The following KCNQ1 variants were observed in gnomAD, a reference collection of about 807,000 sequenced individuals.
The protein encoded by KCNQ1 is potassium voltage-gated channel subfamily Q member 1.
Under a neutral mutation model 72.4 loss-of-function variants are expected in KCNQ1, and 49 were observed. The observed-to-expected ratio is 0.68, with a 90% CI of 0.54 to 0.86. The LOEUF is 0.86. KCNQ1 is among the 40% of genes least tolerant of loss of function. KCNQ1 has a pLI of 0.00. For missense variants in KCNQ1, 790 were observed against 945.1 expected (o/e 0.84, Z 2.15); for synonymous variants, 450 against 412.6 (o/e 1.09, Z -1.10).
In KCNQ1 at chr11:2,678,594, GC is replaced by G. The variant is rs1850334517; in HGVS notation, c.1514+16514del. ...ACTTTATGATGCACTTATCTGTGTA[GC>G]AGGACTCCCCCTCATCTCCATTACT... is the stretch of plus-strand genomic sequence containing the variant. On this transcript the variant is annotated intron_variant, in intron 11 of 15. Coordinates refer to ENST00000155840, the MANE Select transcript of KCNQ1 (RefSeq NM_000218.3). This position sits in a 1 kb window ranked among gnomAD's most constrained non-coding sequence, Gnocchi z 4.9. 5.0e-6 allele frequency: 2 copies of G among 398,494 alleles called. No individual in the cohort carries two copies. The highest frequency in any genetic ancestry group is 4.4e-5 in the Admixed American group (1 of 22,714). 24.7% of individuals were successfully genotyped at this position (398,494 alleles called of 1,614,324 possible).
In KCNQ1 at chr11:2,564,972, G is replaced by A. The variant is rs1180762553; in HGVS notation, c.478-5656G>A. Among the ~76,000 whole-genome samples, 3 of 152,164 alleles carry A rather than the reference G, an allele frequency of 2.0e-5. No homozygotes were observed. The highest frequency in any genetic ancestry group is 2.1e-4 in the South Asian group (1 of 4,826). ...GTGGTAGGGAGGGACCACATCTTCC[G>A]TCTCCGTCGGTGCACTGAGGGACAC... On this transcript the variant is annotated intron_variant, in intron 2 of 15. Coordinates refer to ENST00000155840, the MANE Select transcript of KCNQ1 (RefSeq NM_000218.3). This position sits in a 1 kb window ranked among gnomAD's most constrained non-coding sequence, Gnocchi z 4.5.
At chr11:2,841,205 G>A (rs1848202895) in intron 15 of KCNQ1, among the ~76,000 whole-genome samples, 1 of 152,108 alleles carries the variant, frequency 6.6e-6, no homozygotes, top group Non-Finnish European at 1.5e-5. Context: ...AAGGCCCCAG[G>A]GCCCAACTGA....
chr11:2,575,643 C>A (rs1261111008), intron 6 of KCNQ1, among the ~76,000 whole-genome samples: 1 of 152,258 alleles, frequency 6.6e-6, no homozygotes, highest in Admixed American at 6.5e-5. Context: ...CCCTCGCCGG[C>A]CAGGCAGCCA....
At chr11:2,476,415 C>G (rs966182968) in intron 1 of KCNQ1, among the ~76,000 whole-genome samples, 9 of 152,116 alleles carry the variant, frequency 5.9e-5, no homozygotes, top group Non-Finnish European at 1.2e-4. Flanking sequence ...TATCTGTACA[C>G]CGAGGCAAAT....
rs1248532962 is a variant in KCNQ1 at position 2,659,354 on chromosome 11, T to C, written c.1394-2607T>C. ...ATGTCCTATAAATGGGATCCTATAATATGTATTCTTTTGCATCTGGCTTCT... is the reference window on the plus strand; with the variant it reads ...ATGTCCTATAAATGGGATCCTATAACATGTATTCTTTTGCATCTGGCTTCT... On this transcript the variant is annotated intron_variant, in intron 10 of 15. Coordinates refer to ENST00000155840, the MANE Select transcript of KCNQ1 (RefSeq NM_000218.3). This position sits in a 1 kb window ranked among gnomAD's most constrained non-coding sequence, Gnocchi z 4.3. 2 of 398,534 alleles carry C rather than the reference T, an allele frequency of 5.0e-6. No individual in the cohort carries two copies. Among genetic ancestry groups the C allele is most frequent in the East Asian group, 7.1e-5 (2 of 28,088 alleles). The allele number at this position is 398,534 out of a possible 1,614,324, so 24.7% of individuals were successfully genotyped here.
intron 11 of KCNQ1, among the ~76,000 whole-genome samples, chr11:2,742,305 C>T (rs943994210): frequency 2.0e-5 from 3 of 152,138 alleles, no homozygotes; most frequent in African/African-American, 4.8e-5. Context: ...AGCCCTGTGC[C>T]CCAAGATCAG....
At chr11:2,546,297 A>G (rs1165556975) in intron 2 of KCNQ1, among the ~76,000 whole-genome samples, 2 of 152,222 alleles carry the variant, frequency 1.3e-5, no homozygotes, top group South Asian at 2.1e-4. Context: ...ATGGCTATAG[A>G]AACACTTAAT....
chr11:2,569,616 G>T (rs554851635), intron 2 of KCNQ1, among the ~76,000 whole-genome samples: 1 of 152,194 alleles, frequency 6.6e-6, no homozygotes, highest in Admixed American at 6.5e-5. Context: ...CCTCTCACAC[G>T]TGGGGGCTGG....
chr11:2,470,321 T>C (rs1022004370), intron 1 of KCNQ1, among the ~76,000 whole-genome samples: 1 of 152,190 alleles, frequency 6.6e-6, no homozygotes, highest in Non-Finnish European at 1.5e-5. Context: ...CATATTTATA[T>C]GTTTTCTTGA....
Position 2,679,006 on chromosome 11 carries a change from A to G in KCNQ1, c.1514+16925A>G, listed in dbSNP as rs1850341925. 2.5e-6 allele frequency: 1 copy of G among 398,662 alleles called. No homozygotes were observed. Among genetic ancestry groups the G allele is most frequent in the East Asian group, 3.6e-5 (1 of 28,086 alleles). 24.7% of individuals were successfully genotyped at this position (398,662 alleles called of 1,614,324 possible). On this transcript the variant is annotated intron_variant, in intron 11 of 15. Coordinates refer to ENST00000155840, the MANE Select transcript of KCNQ1 (RefSeq NM_000218.3). The surrounding 1 kb of genome is among the most constrained non-coding windows in gnomAD (Gnocchi z 4.8). Reference sequence around the variant, plus strand: ...TCAAGAATTTTTAAAAACCCGCAATAAGAAACATAATCTAAAACTTGTAGC... The same window carrying G: ...TCAAGAATTTTTAAAAACCCGCAATGAGAAACATAATCTAAAACTTGTAGC...
At position 2,527,991 on chromosome 11, in the gene KCNQ1, C is replaced by A; in HGVS notation, c.450C>A (p.Ala150=). 6.2e-7 allele frequency: 1 copy of A among 1,614,036 alleles called. No individual in the cohort carries two copies. The highest frequency in any genetic ancestry group is 8.5e-7 in the Non-Finnish European group (1 of 1,179,972). The change falls in exon 2 of 16, where the codon GCC becomes GCA. Residue 150 remains alanine, a synonymous_variant. Transcript: ENST00000155840. Reference sequence around the variant, plus strand: ...TGTCCACCATCGAGCAGTATGCCGCCCTGGCCACGGGGACTCTCTTCTGGA... The same window carrying A: ...TGTCCACCATCGAGCAGTATGCCGCACTGGCCACGGGGACTCTCTTCTGGA... ...SVLSTIEQYA[A]LATGTLFWME...
intron 1 of KCNQ1, among the ~76,000 whole-genome samples, chr11:2,456,870 C>T (rs1409088162): frequency 2.8e-5 from 4 of 141,080 alleles, no homozygotes; most frequent in East Asian, 2.1e-4. Context: ...ACCCAGGAGA[C>T]GGAGCTTGCA....
At chr11:2,518,860 T>C (rs565987488) in intron 1 of KCNQ1, among the ~76,000 whole-genome samples, 1 of 152,136 alleles carries the variant, frequency 6.6e-6, no homozygotes, top group Admixed American at 6.5e-5. Flanking sequence ...AGGCATGGGG[T>C]GGCCACGGGA....
At chr11:2,640,367 T>C (rs1276900866) in intron 10 of KCNQ1, 16 of 398,516 alleles carry the variant, frequency 4.0e-5, no homozygotes, top group Admixed American at 4.0e-4. Flanking sequence ...CTTACTGCAA[T>C]CTTTAACTCC....
intron 15 of KCNQ1, among the ~76,000 whole-genome samples, chr11:2,834,120 T>G (rs1409966185): frequency 6.6e-6 from 1 of 152,208 alleles, no homozygotes; most frequent in East Asian, 1.9e-4. Context: ...CTGCTGTGCC[T>G]GGCGTGGCTG....
At position 2,450,619 on chromosome 11, in the gene KCNQ1, C is replaced by T. The variant is rs910804671; in HGVS notation, c.386+5135C>T. ...CTTGCATCTGGGGTCCCTGCGGGCA[C>T]GTCGGTGAGACCGTCCTGGCCTCCA... On this transcript the variant is annotated intron_variant, in intron 1 of 15. Transcript: ENST00000155840. The surrounding 1 kb of genome is among the most constrained non-coding windows in gnomAD (Gnocchi z 7.9). Among the ~76,000 whole-genome samples, 4 of 152,032 alleles carry T rather than the reference C, an allele frequency of 2.6e-5. No homozygotes were observed. Among genetic ancestry groups the T allele is most frequent in the African/African-American group, 7.2e-5 (3 of 41,384 alleles).
rs920268002 is a variant in KCNQ1, at chr11:2,549,789, C to T, written c.478-20839C>T. On this transcript the variant is annotated intron_variant, in intron 2 of 15. Coordinates refer to ENST00000155840, the MANE Select transcript of KCNQ1 (RefSeq NM_000218.3). This position sits in a 1 kb window ranked among gnomAD's most constrained non-coding sequence, Gnocchi z 6.2. ...ACGTGGCCCCCAGTCATGAGTACCC[C>T]AGGCCCCTATGCGCCTCCTTCCCCA... is the stretch of plus-strand genomic sequence containing the variant. 6.6e-6 allele frequency among the ~76,000 whole-genome samples: 1 copy of T among 152,134 alleles called. No homozygotes were observed. The highest frequency in any genetic ancestry group is 2.4e-5 in the African/African-American group (1 of 41,440).
chr11:2,781,694 C>T lies in KCNQ1; in HGVS notation c.1794+3657C>T, dbSNP rs920977507. On this transcript the variant is annotated intron_variant, in intron 15 of 15. Coordinates refer to ENST00000155840, the MANE Select transcript of KCNQ1 (RefSeq NM_000218.3). This position sits in a 1 kb window ranked among gnomAD's most constrained non-coding sequence, Gnocchi z 6.6. ...ACCTGCCACACTGTTTACGTTGGGCCCTGTTTATTTTGCAAGCTAAGCTCA... is the reference window on the plus strand; with the variant it reads ...ACCTGCCACACTGTTTACGTTGGGCTCTGTTTATTTTGCAAGCTAAGCTCA... Among the ~76,000 whole-genome samples the T allele has an allele frequency of 3.3e-5, 5 of 152,108 alleles. No homozygotes were observed. Among genetic ancestry groups the T allele is most frequent in the African/African-American group, 1.2e-4 (5 of 41,410 alleles).
chr11:2,631,997 A>G lies in KCNQ1; in HGVS notation c.1394-29964A>G, dbSNP rs575977607. Reference sequence around the variant, plus strand: ...GGAGATCGAGACCATCCTGGCTAACATGGTGAAACCCCATCTCTACTAAAA... The same window carrying G: ...GGAGATCGAGACCATCCTGGCTAACGTGGTGAAACCCCATCTCTACTAAAA... On this transcript the variant is annotated intron_variant, in intron 10 of 15. Coordinates refer to ENST00000155840, the MANE Select transcript of KCNQ1 (RefSeq NM_000218.3). 59 of 396,286 alleles carry G rather than the reference A, an allele frequency of 1.5e-4. No homozygotes were observed. In the East Asian group the frequency reaches 1.9e-3, roughly 13 times the overall value. The allele number at this position is 396,286 out of a possible 1,614,324, so 24.5% of individuals were successfully genotyped here.
Sources: gnomAD v4.1 joint callset for allele counts (sites outside exome capture counted in the v4.1 genomes callset) on GRCh38, gnomAD v4.1.1 for gene constraint, Gnocchi (gnomAD v3.1) non-coding constraint, MANE v1.5 for transcripts, NCBI Gene and HGNC (gene_info 2026-07-23, HGNC 2026-07-21) for gene names.